Variants in DNAH3 observed in about 807,000 individuals in gnomAD.
The protein encoded by DNAH3 is axonemal beta dynein heavy chain 3.
In DNAH3, 332 loss-of-function variants were observed where a neutral mutation model predicts 432.5. That is an observed-to-expected ratio of 0.77 (90% confidence interval 0.70 to 0.84). The LOEUF (loss-of-function observed/expected upper bound fraction) is 0.84, where lower values mean the gene tolerates loss of function less well. DNAH3 is among the 40% of genes least tolerant of loss of function. The pLI is 0.00. For synonymous variants in DNAH3, 1,956 were observed against 1,900.2 expected, an observed-to-expected ratio of 1.03 and a Z score of -0.76; for missense variants, 4,861 against 5,114.0, an observed-to-expected ratio of 0.95 and a Z score of 1.51.
intron 1 of DNAH3, chr16:21,158,820 G>C (rs1042073506): frequency 1.2e-5 from 2 of 162,818 alleles, no homozygotes; most frequent in African/African-American, 4.8e-5. Context: ...GGCGGGGACA[G>C]AGGAGGAGCG....
At chr16:20,972,712 C>G (rs1043143536) in intron 51 of DNAH3, among the ~76,000 whole-genome samples, 1 of 151,306 alleles carries the variant, frequency 6.6e-6, no homozygotes, top group East Asian at 1.9e-4. Flanking sequence ...ATCAAAAAGG[C>G]CTGCCCTTCT....
chr16:21,074,091 A>G (rs1189898186), intron 21 of DNAH3, among the ~76,000 whole-genome samples: 3 of 152,288 alleles, frequency 2.0e-5, no homozygotes, highest in Non-Finnish European at 4.4e-5. Flanking sequence ...TTATAGGAGT[A>G]TTGGCGGTGA....
intron 5 of DNAH3, among the ~76,000 whole-genome samples, chr16:21,140,013 G>T (rs1196564938): frequency 1.3e-5 from 2 of 150,626 alleles, no homozygotes; most frequent in Non-Finnish European, 2.9e-5. Flanking sequence ...TTGAACTCCT[G>T]ACCTCAAGTG....
chr16:21,148,274 T>C (rs924493499), intron 1 of DNAH3, among the ~76,000 whole-genome samples: 3 of 152,116 alleles, frequency 2.0e-5, no homozygotes, highest in South Asian at 2.1e-4. Context: ...TCTACCATTA[T>C]TCCAAACGAT....
intron 37 of DNAH3, among the ~76,000 whole-genome samples, chr16:21,030,482 G>A (rs766569735): frequency 5.9e-5 from 9 of 152,216 alleles, no homozygotes; most frequent in East Asian, 1.9e-4. Context: ...TCTTGAATGC[G>A]GATTTTCTAG....
At chr16:21,151,214 T>C (rs1013224842) in intron 1 of DNAH3, among the ~76,000 whole-genome samples, 1 of 152,134 alleles carries the variant, frequency 6.6e-6, no homozygotes, top group Non-Finnish European at 1.5e-5. Flanking sequence ...ATGGCAATAA[T>C]GTGAGTCCCT....
chr16:20,946,819 CT>C (rs71149199), intron 57 of DNAH3, among the ~76,000 whole-genome samples: 326 of 70,888 alleles, frequency 4.6e-3, no homozygotes, highest in African/African-American at 0.015. Flanking sequence ...ATTGTGAGTC[CT>C]TTTTTTTTTT....
At chr16:21,047,982 C>T (rs932426060) in intron 31 of DNAH3, among the ~76,000 whole-genome samples, 6 of 152,100 alleles carry the variant, frequency 3.9e-5, no homozygotes, top group African/African-American at 1.4e-4. Flanking sequence ...CCCAGTTAGG[C>T]TGCTCGGGGG....
chr16:21,141,338 T>C lies in DNAH3; in HGVS notation c.483A>G (p.Lys161=), dbSNP rs1306359481. 4.4e-6 allele frequency: 7 copies of C among 1,592,412 alleles called. No homozygotes were observed. The Admixed American group carries it at 1.0e-4, about 24-fold the overall frequency. Residue 161 remains lysine (K), a synonymous_variant, in exon 4 of 62, where the codon AAA becomes AAG. Coordinates refer to ENST00000261383, the Ensembl canonical transcript of DNAH3. ...CTTTGTTTCTGGAGGAAAACTTCGT[T>C]TTTTTCCTCATGGGCTCTGATGAGC...
intron 38 of DNAH3, among the ~76,000 whole-genome samples, chr16:21,025,599 G>C (rs2088508997): frequency 6.6e-6 from 1 of 150,860 alleles, no homozygotes; most frequent in African/African-American, 2.4e-5. Flanking sequence ...TATTGCTAAG[G>C]TTTTGTCCTT....
At chr16:21,053,644 T>C (rs999500575) in intron 28 of DNAH3, among the ~76,000 whole-genome samples, 16 of 152,134 alleles carry the variant, frequency 1.1e-4, no homozygotes, top group Admixed American at 1.0e-3. Flanking sequence ...GTCTACCTAA[T>C]GAAATCAGAT....
chr16:20,968,572 T>C (rs12924118), intron 52 of DNAH3, among the ~76,000 whole-genome samples: 10,831 of 152,240 alleles, frequency 0.071, 523 homozygotes, highest in East Asian at 0.17. Flanking sequence ...TTAATGTTTC[T>C]AGGCTCAACT....
chr16:21,117,304 A>G lies in DNAH3; in HGVS notation c.1713T>C (p.Tyr571=), dbSNP rs1033464849. ...CGTTAACAGTTCCAAGGAGCAGATTATATCCTTTCAGCTCTGGGAACAGGA... is the reference window on the plus strand; with the variant it reads ...CGTTAACAGTTCCAAGGAGCAGATTGTATCCTTTCAGCTCTGGGAACAGGA... The change falls in exon 12 of 62, where the codon TAT becomes TAC. Residue 571 remains tyrosine, a synonymous_variant. Transcript: ENST00000261383. 1.1e-5 allele frequency: 18 copies of G among 1,609,572 alleles called. No individual in the cohort carries two copies. In the East Asian group the frequency reaches 4.0e-4, roughly 36 times the overall value.
chr16:21,044,053 C>A (rs935833715), intron 31 of DNAH3, among the ~76,000 whole-genome samples: 2 of 134,620 alleles, frequency 1.5e-5, no homozygotes. Flanking sequence ...GGTACCAGTA[C>A]CATGCTGTTT....
chr16:21,034,132 C>T (rs2089041530), intron 35 of DNAH3, 47 bp from the exon 36 acceptor site: 1 of 1,285,564 alleles, frequency 7.8e-7, no homozygotes, highest in East Asian at 2.3e-5. Flanking sequence ...TTGCAACGCT[C>T]CCCCATTGTG....
chr16:21,127,077 C>T (rs985883941), intron 8 of DNAH3, among the ~76,000 whole-genome samples: 3 of 152,072 alleles, frequency 2.0e-5, no homozygotes, highest in African/African-American at 4.8e-5. Context: ...CTGGCCCAGT[C>T]TGTGGAAAAA....
chr16:21,062,592 C>G (rs750004110), exon 25 of DNAH3: 42 of 1,614,040 alleles, frequency 2.6e-5, no homozygotes, highest in Non-Finnish European at 3.6e-5. Flanking sequence ...GCAATTCCTT[C>G]AAAGCACTTC....
chr16:20,950,973 A>C (rs778730244), intron 56 of DNAH3, among the ~76,000 whole-genome samples: 4 of 152,016 alleles, frequency 2.6e-5, no homozygotes, highest in African/African-American at 4.8e-5. Flanking sequence ...CAGGTGCACA[A>C]CACCATATCC....
intron 39 of DNAH3, among the ~76,000 whole-genome samples, chr16:21,023,786 G>GTGTGTGTGTGTGTGTGTGTGTGTGTGT (rs1567654144): frequency 6.8e-6 from 1 of 146,384 alleles, no homozygotes; most frequent in African/African-American, 2.5e-5. Context: ...CAGCTTTTGG[G>GTGTGTGTGTGTGTGTGTGTGTGTGTGT]GTGTGTGTGT....
Sources: allele counts gnomAD v4.1 joint callset (sites outside exome capture counted in the v4.1 genomes callset), GRCh38; gene constraint gnomAD v4.1.1; transcripts MANE v1.5; gene names NCBI Gene and HGNC (gene_info 2026-07-23, HGNC 2026-07-21).